MPC2: variants seen among roughly 807,000 people sequenced by gnomAD.
MPC2 encodes the protein mitochondrial pyruvate carrier 2.
A neutral mutation model predicts 19.2 loss-of-function variants in MPC2; 19 were observed. That is an observed-to-expected ratio of 0.99 (90% confidence interval 0.69 to 1.45). The LOEUF is 1.45. MPC2 is among the 40% of genes most tolerant of loss of function. MPC2 has a pLI of 0.00. For missense variants in MPC2, 122 were observed against 153.0 expected, an observed-to-expected ratio of 0.80 and a Z score of 1.07; for synonymous variants, 61 against 54.3, an observed-to-expected ratio of 1.12 and a Z score of -0.54.
intron 2 of MPC2, among the ~76,000 whole-genome samples, chr1:167,928,280 G>A (rs1470680837): frequency 2.0e-5 from 3 of 150,948 alleles, no homozygotes; most frequent in African/African-American, 7.3e-5. Context: ...GCCGGGAGGT[G>A]GAGCTTGCAG....
chr1:167,933,221 G>A (rs1169656239), intron 2 of MPC2, among the ~76,000 whole-genome samples: 1 of 149,162 alleles, frequency 6.7e-6, no homozygotes, highest in Non-Finnish European at 1.5e-5. Flanking sequence ...AGGCTGGAGT[G>A]CAATGGCACG....
rs765027696 is a variant in MPC2, at chr1:167,920,577, T to C, written c.205A>G (p.Thr69Ala). The C allele has an allele frequency of 1.1e-5, 17 of 1,613,924 alleles. No homozygotes were observed. Among genetic ancestry groups the C allele is most frequent in the Non-Finnish European group, 1.4e-5 (16 of 1,179,974 alleles). ...GCCATCAAAACAGCAGATTGAGCTG[T>C]GCTAAGTTTTTCTGCAGGTCTGGCC... ...DMARPAEKLS[T>A]AQSAVLMATG... Residue 69 changes from threonine (T) to alanine (A), a missense_variant, in exon 4 of 6, where the codon ACA (threonine) becomes GCA (alanine). Coordinates refer to ENST00000271373, the MANE Select transcript of MPC2 (RefSeq NM_001143674.4).
chr1:167,918,785 G>A (rs1670531773), intron 5 of MPC2, among the ~76,000 whole-genome samples: 1 of 151,814 alleles, frequency 6.6e-6, no homozygotes, highest in Non-Finnish European at 1.5e-5. Flanking sequence ...AGTAGAGATG[G>A]TGTTTCACCG....
At chr1:167,920,777 C>T in intron 3 of MPC2, 146 bp from the exon 4 acceptor site, 1 of 815,970 alleles carries the variant, frequency 1.2e-6, no homozygotes, top group Non-Finnish European at 1.9e-6. Flanking sequence ...ATGTAGATTA[C>T]AACAAAAAAA....
In MPC2 at chr1:167,920,042, C is replaced by T. The variant is rs1301020028; in HGVS notation, c.284G>A (p.Ser95Asn). 1.9e-6 allele frequency: 3 copies of T among 1,613,338 alleles called. No individual in the cohort carries two copies. The highest frequency in any genetic ancestry group is 1.7e-6 in the Non-Finnish European group (2 of 1,179,706). The change falls in exon 5 of 6, where the codon AGT becomes AAT. Residue 95 changes from serine (S) to asparagine (N), a missense_variant. Ser to Asn is a conservative substitution (Grantham distance 46). Coordinates refer to ENST00000271373, the MANE Select transcript of MPC2 (RefSeq NM_001143674.4). ...CACAAAGAAATTAACAGCAAACAGACTCCAATTTTTTGGAATAATTACAAG... is the reference window on the plus strand; with the variant it reads ...CACAAAGAAATTAACAGCAAACAGATTCCAATTTTTTGGAATAATTACAAG... ...YSLVIIPKNW[S>N]LFAVNFFVGA...
chr1:167,923,401 A>G (rs776165551), intron 3 of MPC2, among the ~76,000 whole-genome samples: 63 of 152,200 alleles, frequency 4.1e-4, no homozygotes, highest in Non-Finnish European at 8.1e-4. Context: ...TGACAACGTT[A>G]ATGTACCTTG....
rs767791616 is a variant in MPC2 at position 167,924,527 on chromosome 1, T to G, written c.120A>C (p.Thr40=). 19 of 1,566,660 alleles carry G rather than the reference T, an allele frequency of 1.2e-5. No individual in the cohort carries two copies. The highest frequency in any genetic ancestry group is 1.6e-5 in the Non-Finnish European group (18 of 1,161,108). Residue 40 remains threonine (T), a synonymous_variant, in exon 3 of 6, where the codon ACA becomes ACC. Coordinates refer to ENST00000271373, the MANE Select transcript of MPC2 (RefSeq NM_001143674.4). The stretch of plus-strand genomic sequence containing the variant: ...TCATAATTGGAGCCCAGAAGAAAAC[T>G]GTTCTGGGACCTGAAAAAAAAAAGA... ...PLYNHPAGPR[T]VFFWAPIMKW... is the part of the protein sequence containing the mutation.
At chr1:167,931,701 A>G (rs1450048052) in intron 2 of MPC2, among the ~76,000 whole-genome samples, 1 of 152,112 alleles carries the variant, frequency 6.6e-6, no homozygotes, top group Non-Finnish European at 1.5e-5. Context: ...GATCCATATT[A>G]GATTTTATTT....
chr1:167,923,338 A>G (rs372154945), intron 3 of MPC2, among the ~76,000 whole-genome samples: 1 of 152,340 alleles, frequency 6.6e-6, no homozygotes, highest in East Asian at 1.9e-4. Flanking sequence ...AATGTGGTAA[A>G]TACATACAAT....
At position 167,935,797 on chromosome 1, in the gene MPC2, C is replaced by T; in HGVS notation, c.45G>A (p.Arg15=). The change falls in exon 2 of 6, where the codon CGG becomes CGA. Residue 15 remains arginine (R), a synonymous_variant. Coordinates refer to ENST00000271373, the MANE Select transcript of MPC2 (RefSeq NM_001143674.4). The part of the protein sequence containing the change: ...GARGLRATYH[R]LLDKVELMLP... Reference sequence around the variant, plus strand: ...GCATCAGCTCCACTTTATCGAGGAGCCGGTGGTAGGTGGCCCGCAGGCCTC... The same window carrying T: ...GCATCAGCTCCACTTTATCGAGGAGTCGGTGGTAGGTGGCCCGCAGGCCTC... 6.4e-7 allele frequency: 1 copy of T among 1,559,624 alleles called. No homozygotes were observed. The highest frequency in any genetic ancestry group is 8.7e-7 in the Non-Finnish European group (1 of 1,152,174).
At chr1:167,920,466 G>T in intron 4 of MPC2, 81 bp downstream of exon 4, 1 of 1,389,264 alleles carries the variant, frequency 7.2e-7, no homozygotes, top group Non-Finnish European at 9.9e-7. Flanking sequence ...CAAACACTAA[G>T]CCACTAAATA....
Position 167,936,685 on chromosome 1 carries a change from A to C in MPC2, c.-58+254T>G, listed in dbSNP as rs532123128. The C allele has an allele frequency of 3.4e-5, 17 of 493,074 alleles. No individual in the cohort carries two copies. In the African/African-American group the frequency reaches 3.5e-4, roughly 10 times the overall value. The allele number at this position is 493,074 out of a possible 1,614,324, so 30.5% of individuals were successfully genotyped here. ...GGAGGAGACTGTTGCTGATCTTTGG[A>C]TGTTCTGGTTAGTCTAAGAAGGAGA... On this transcript the variant is annotated intron_variant, in intron 1 of 5. Coordinates refer to ENST00000271373, the MANE Select transcript of MPC2 (RefSeq NM_001143674.4).
Position 167,920,554 on chromosome 1 carries a change from C to G in MPC2, c.228G>C (p.Met76Ile). The G allele has an allele frequency of 6.2e-7, 1 of 1,613,524 alleles. No individual in the cohort carries two copies. Among genetic ancestry groups the G allele is most frequent in the South Asian group, 1.1e-5 (1 of 91,020 alleles). The change falls in exon 4 of 6, where the codon ATG (methionine) becomes ATC (isoleucine). Residue 76 changes from methionine to isoleucine, a missense_variant. Coordinates refer to ENST00000271373, the MANE Select transcript of MPC2 (RefSeq NM_001143674.4). ...GATATTTATTTAATTTACCTGTAGC[C>G]ATCAAAACAGCAGATTGAGCTGTGC... is the stretch of plus-strand genomic sequence containing the variant. ...KLSTAQSAVL[M>I]ATGFIWSRYS...
chr1:167,924,029 G>T (rs552329683), intron 3 of MPC2, among the ~76,000 whole-genome samples: 3 of 152,290 alleles, frequency 2.0e-5, no homozygotes, highest in South Asian at 2.1e-4. Context: ...CACTGGGCTT[G>T]GAGTCAGAAG....
intron 1 of MPC2, chr1:167,936,696 A>T: frequency 1.9e-6 from 1 of 521,852 alleles, no homozygotes; most frequent in Non-Finnish European, 3.4e-6. Flanking sequence ...TGTTCTGGTT[A>T]GTCTAAGAAG....
At chr1:167,918,385 A>G (rs770308563) in intron 5 of MPC2, 26 bp from the exon 6 acceptor site, 2 of 1,380,774 alleles carry the variant, frequency 1.4e-6, no homozygotes, top group East Asian at 4.6e-5. Context: ...AAAGAAAAAT[A>G]ATCATCAATA....
Position 167,935,779 on chromosome 1 carries a change from C to T in MPC2, c.63G>A (p.Glu21=), listed in dbSNP as rs947893646. The T allele has an allele frequency of 2.6e-6, 4 of 1,564,464 alleles. No homozygotes were observed. Among genetic ancestry groups the T allele is most frequent in the African/African-American group, 2.7e-5 (2 of 73,706 alleles). The change falls in exon 2 of 6, where the codon GAG becomes GAA. Residue 21 remains glutamate (E), a synonymous_variant. Transcript: ENST00000271373. ...GCCTCAATTTCTCGGGCAGCATCAG[C>T]TCCACTTTATCGAGGAGCCGGTGGT... ...ATYHRLLDKV[E]LMLPEKLRPL...
At chr1:167,933,286 G>A (rs1486652632) in intron 2 of MPC2, among the ~76,000 whole-genome samples, 1 of 150,506 alleles carries the variant, frequency 6.6e-6, no homozygotes, top group African/African-American at 2.5e-5. Context: ...TCCCGCCTCA[G>A]CCTCCCAAGT....
chr1:167,921,534 C>T (rs1670600954), intron 3 of MPC2, among the ~76,000 whole-genome samples: 1 of 152,056 alleles, frequency 6.6e-6, no homozygotes, highest in Non-Finnish European at 1.5e-5. Flanking sequence ...GGCTGTTACG[C>T]CATTTTTCTT....
Sources: allele counts gnomAD v4.1 joint callset (sites outside exome capture counted in the v4.1 genomes callset), GRCh38; gene constraint gnomAD v4.1.1; transcripts MANE v1.5; gene names NCBI Gene and HGNC (gene_info 2026-07-23, HGNC 2026-07-21).